TLN2: variants seen among roughly 807,000 people sequenced by gnomAD.
TLN2 encodes talin-2.
Under a neutral mutation model 294.7 loss-of-function variants are expected in TLN2, and 118 were observed. The ratio of observed to expected loss-of-function variants is 0.40; its 90% confidence interval spans 0.34 to 0.47. TLN2 has a LOEUF of 0.47. TLN2 is among the 20% of genes least tolerant of loss of function. The probability of loss-of-function intolerance (pLI) is 0.84; values close to 1 mark genes in which losing one functional copy is unlikely to be tolerated. For missense variants in TLN2, 3,083 were observed against 3,282.2 expected (o/e 0.94, Z 1.48); for synonymous variants, 1,431 against 1,304.5 (o/e 1.10, Z -2.09).
chr15:62,798,015 G>A (rs1486826674), intron 48 of TLN2, among the ~76,000 whole-genome samples: 1 of 152,190 alleles, frequency 6.6e-6, no homozygotes, highest in Non-Finnish European at 1.5e-5. Flanking sequence ...GAAAGCCGCG[G>A]GCATCATGTT....
rs772095104 is a variant in TLN2 at position 62,712,039 on chromosome 15, T to G, written c.2596T>G (p.Leu866Val). The change falls in exon 22 of 59, where the codon TTA (leucine) becomes GTA (valine). Residue 866 changes from leucine to valine, a missense_variant. Physicochemically the swap from Leu to Val is conservative, Grantham distance 32. Transcript: ENST00000636159. ...SKKLLAAAKL[L>V]ADSTARMVEA... ...GAAGCTCCTGGCAGCAGCAAAACTCTTAGCTGACTCCACTGCTCGCATGGT... is the reference window on the plus strand; with the variant it reads ...GAAGCTCCTGGCAGCAGCAAAACTCGTAGCTGACTCCACTGCTCGCATGGT... 6.1e-5 allele frequency: 98 copies of G among 1,614,100 alleles called. No homozygotes were observed. Among genetic ancestry groups the G allele is most frequent in the Non-Finnish European group, 7.7e-5 (91 of 1,180,036 alleles).
At chr15:62,598,267 T>C (rs909484543) in intron 2 of TLN2, among the ~76,000 whole-genome samples, 1 of 152,186 alleles carries the variant, frequency 6.6e-6, no homozygotes, top group Non-Finnish European at 1.5e-5. Context: ...TGGGGCAGGC[T>C]GAGAGCGTGG....
chr15:62,840,464 T>C lies in TLN2; in HGVS notation c.7501-18T>C, dbSNP rs200783598. On this transcript the variant is annotated intron_variant, in intron 58 of 58. Transcript: ENST00000636159. ...CTACAAAGTGTTAGGTCCATCCAGC[T>C]TGTTGCTTTCTTTCTAGATCATCGC... The C allele has an allele frequency of 3.6e-4, 580 of 1,613,920 alleles. 1 individual carries two copies. The African/African-American group carries it at 7.0e-3, about 19-fold the overall frequency.
intron 9 of TLN2, 42 bp downstream of exon 9, chr15:62,657,940 CTTCT>C (rs2053398660): frequency 5.7e-6 from 9 of 1,565,376 alleles, no homozygotes; most frequent in Admixed American, 1.8e-5. Context: ...TTTCTCCTGT[CTTCT>C]TTCTCTTTCA....
chr15:62,586,020 C>T (rs978503244), intron 1 of TLN2, among the ~76,000 whole-genome samples: 2 of 146,610 alleles, frequency 1.4e-5, no homozygotes, highest in Middle Eastern at 3.2e-3. Context: ...GAAACTGAGG[C>T]ACAGAGAGGT....
intron 1 of TLN2, among the ~76,000 whole-genome samples, chr15:62,456,668 A>C (rs2036499688): frequency 6.6e-6 from 1 of 152,152 alleles, no homozygotes; most frequent in Admixed American, 6.5e-5. Flanking sequence ...TTCTCTGGCT[A>C]ATTTTAGATT....
intron 2 of TLN2, among the ~76,000 whole-genome samples, chr15:62,591,364 CTG>C (rs1425082180): frequency 6.6e-6 from 1 of 152,124 alleles, no homozygotes; most frequent in African/African-American, 2.4e-5. Context: ...GCCTCTAAGA[CTG>C]TATCATTCCT....
At chr15:62,457,527 G>A (rs1396600572) in intron 1 of TLN2, among the ~76,000 whole-genome samples, 3 of 152,140 alleles carry the variant, frequency 2.0e-5, no homozygotes, top group South Asian at 4.1e-4. Context: ...ATTGGGCCCC[G>A]TCTTCCTTGG....
At chr15:62,553,613 G>C (rs1045101483) in intron 1 of TLN2, among the ~76,000 whole-genome samples, 1 of 152,146 alleles carries the variant, frequency 6.6e-6, no homozygotes, top group Non-Finnish European at 1.5e-5. Flanking sequence ...CCTCATGAGT[G>C]TTAAGAATTT....
In TLN2 at chr15:62,762,134, T is replaced by C. The variant is rs1057104546; in HGVS notation, c.4780-138T>C. The C allele has an allele frequency of 1.8e-5, 19 of 1,050,314 alleles. No homozygotes were observed. The African/African-American group carries it at 3.0e-4, about 17-fold the overall frequency. The allele number at this position is 1,050,314 out of a possible 1,614,324, so 65.1% of individuals were successfully genotyped here. A position where few individuals can be genotyped will look rare whatever the true frequency, so the allele number is the denominator to read the frequency against. On this transcript the variant is annotated intron_variant, in intron 38 of 58. Coordinates refer to ENST00000636159, the MANE Select transcript of TLN2 (RefSeq NM_015059.3). ...GCCATGCAGACCCCTGGTAATCCAG[T>C]CTTCATGGTTCCCTGCCCTCTTTGT... is the stretch of plus-strand genomic sequence containing the variant.
chr15:62,447,741 C>T (rs188243722), intron 1 of TLN2, among the ~76,000 whole-genome samples: 1 of 152,206 alleles, frequency 6.6e-6, no homozygotes, highest in Admixed American at 6.5e-5. Context: ...GATCTGCCCG[C>T]CTTGGCCTCC....
chr15:62,809,616 T>A (rs2066538641), intron 51 of TLN2, among the ~76,000 whole-genome samples: 1 of 152,136 alleles, frequency 6.6e-6, no homozygotes, highest in African/African-American at 2.4e-5. Context: ...GATGTTTTTG[T>A]GCATGTGGAA....
chr15:62,805,888 T>C (rs2066244693), intron 51 of TLN2, 103 bp downstream of exon 51: 2 of 1,325,526 alleles, frequency 1.5e-6, no homozygotes, highest in African/African-American at 1.5e-5. Flanking sequence ...CCTTAAACTT[T>C]GTAATAAAAA....
intron 39 of TLN2, among the ~76,000 whole-genome samples, 191 bp downstream of exon 39, chr15:62,762,644 C>T (rs1012396256): frequency 6.6e-6 from 1 of 152,210 alleles, no homozygotes; most frequent in East Asian, 1.9e-4. Context: ...CCAAATACTA[C>T]TACAAGTGCT....
At position 62,584,463 on chromosome 15, in the gene TLN2, T is replaced by C. The variant is rs75505366; in HGVS notation, c.-237-5224T>C. 3.3e-5 allele frequency among the ~76,000 whole-genome samples: 5 copies of C among 152,354 alleles called. No homozygotes were observed. In the East Asian group the frequency reaches 9.6e-4, roughly 29 times the overall value. Reference sequence around the variant, plus strand: ...AGGCAACGTAGCATATTGTCATCTCTGAGGTCCTTGGGTGTTGACGCTGTC... The same window carrying C: ...AGGCAACGTAGCATATTGTCATCTCCGAGGTCCTTGGGTGTTGACGCTGTC... On this transcript the variant is annotated intron_variant, in intron 1 of 58. Coordinates refer to ENST00000636159, the MANE Select transcript of TLN2 (RefSeq NM_015059.3).
intron 28 of TLN2, among the ~76,000 whole-genome samples, chr15:62,733,051 T>C (rs1296059806): frequency 1.3e-5 from 2 of 152,132 alleles, no homozygotes; most frequent in African/African-American, 4.8e-5. Flanking sequence ...TGGAAGTAGA[T>C]AATTTTGCCA....
chr15:62,829,285 T>C (rs4775546), intron 54 of TLN2: 36,662 of 151,616 alleles, frequency 0.24, 4,778 homozygotes, highest in South Asian at 0.38. Context: ...AAAGGTTTAA[T>C]TGACTCACAG....
chr15:62,594,886 T>G (rs1275610632), intron 2 of TLN2, among the ~76,000 whole-genome samples: 8 of 152,194 alleles, frequency 5.3e-5, no homozygotes. Context: ...GGAGAAAATG[T>G]TTGTAAATCA....
chr15:62,471,378 G>A (rs544976358), intron 1 of TLN2, among the ~76,000 whole-genome samples: 1 of 152,300 alleles, frequency 6.6e-6, no homozygotes, highest in African/African-American at 2.4e-5. Context: ...CATACTTAGG[G>A]GCAGTGCTGT....
Sources: allele counts gnomAD v4.1 joint callset (sites outside exome capture counted in the v4.1 genomes callset), GRCh38; gene constraint gnomAD v4.1.1; transcripts MANE v1.5; gene names NCBI Gene and HGNC (gene_info 2026-07-23, HGNC 2026-07-21).